LAMC1: variants seen among roughly 807,000 people sequenced by gnomAD.
LAMC1 encodes laminin subunit gamma 1.
LAMC1 carries 38 observed loss-of-function variants against 173.6 expected under a neutral mutation model. The ratio of observed to expected loss-of-function variants is 0.22; its 90% CI spans 0.17 to 0.29. The LOEUF is 0.29. LAMC1 is among the 10% of genes least tolerant of loss of function. LAMC1 has a pLI of 1.00. For synonymous variants in LAMC1, 746 were observed against 749.1 expected, an observed-to-expected ratio of 1.00 and a Z score of 0.07; for missense variants, 1,824 against 2,051.8, an observed-to-expected ratio of 0.89 and a Z score of 2.14.
In LAMC1 at chr1:183,125,402, A is replaced by G; in HGVS notation, c.2653A>G (p.Asn885Asp). ...TCTCTGTCTTCCTGCCTTAGCCTGC[A>G]ATTGCAATCTGTATGGGACCATGAA... ...PNPADKCKACNCNLYGTMKQQ... is the reference protein window; with the variant it reads ...PNPADKCKACDCNLYGTMKQQ... Residue 885 changes from asparagine to aspartate, a missense_variant, in exon 15 of 28, where the codon AAT (asparagine) becomes GAT (aspartate). Asn to Asp is a conservative substitution (Grantham distance 23). Transcript: ENST00000258341. 1.2e-6 allele frequency: 2 copies of G among 1,613,914 alleles called. No individual in the cohort carries two copies.
intron 11 of LAMC1, among the ~76,000 whole-genome samples, chr1:183,121,256 TAA>T (rs35349531): frequency 6.8e-6 from 1 of 147,508 alleles, no homozygotes; most frequent in Non-Finnish European, 1.5e-5. Context: ...CTGTCTCTTC[TAA>T]AAAAAAAAAA....
intron 1 of LAMC1, among the ~76,000 whole-genome samples, chr1:183,055,835 TA>T (rs781439447): frequency 2.0e-5 from 3 of 151,514 alleles, no homozygotes; most frequent in Non-Finnish European, 4.4e-5. Context: ...AAAAAAGAAA[TA>T]AAGGCATTAA....
In LAMC1 at chr1:183,114,623, G is replaced by T; in HGVS notation, c.1114G>T (p.Asp372Tyr). ...GHGGHCTNCQ[D>Y]NTDGAHCERC... The stretch of plus-strand genomic sequence containing the variant: ...TGGGGGCCACTGTACCAACTGCCAG[G>T]ATAACACAGATGGCGCCCACTGTGA... Residue 372 changes from aspartate to tyrosine, a missense_variant, in exon 5 of 28, where the codon GAT becomes TAT. Transcript: ENST00000258341. The T allele has an allele frequency of 6.2e-7, 1 of 1,614,184 alleles. No homozygotes were observed.
chr1:183,131,513 A>C (rs1252012597), intron 20 of LAMC1, 135 bp downstream of exon 20: 1 of 594,648 alleles, frequency 1.7e-6, no homozygotes, highest in Non-Finnish European at 3.0e-6. Flanking sequence ...ACTTTTGCAC[A>C]CTTTGCTCTC....
At chr1:183,115,925 G>A (rs1480585729) in intron 6 of LAMC1, among the ~76,000 whole-genome samples, 1 of 152,028 alleles carries the variant, frequency 6.6e-6, no homozygotes. Context: ...TGGATCACGA[G>A]GTCAGGAGAT....
At chr1:183,029,657 C>T (rs1216888978) in intron 1 of LAMC1, among the ~76,000 whole-genome samples, 4 of 152,134 alleles carry the variant, frequency 2.6e-5, no homozygotes, top group Non-Finnish European at 5.9e-5. Context: ...GCCCCACTCC[C>T]TGGCTTGGAT....
chr1:183,049,149 C>T (rs1307570287), intron 1 of LAMC1, among the ~76,000 whole-genome samples: 1 of 152,134 alleles, frequency 6.6e-6, no homozygotes, highest in African/African-American at 2.4e-5. Context: ...CTTACTAAAT[C>T]TTCATATTTG....
In LAMC1 at chr1:183,114,762, C is replaced by A. The variant is rs150237221; in HGVS notation, c.1210+43C>A. The A allele has an allele frequency of 2.5e-6, 4 of 1,573,340 alleles. No individual in the cohort carries two copies. The East Asian group carries it at 9.0e-5, about 35-fold the overall frequency. ...GGATTGAAAGACAAAATGATAGTTC[C>A]GTGGACCCCCGGAAAGGAAAGCTTT... On this transcript the variant is annotated intron_variant, in intron 5 of 27. Transcript: ENST00000258341.
At chr1:183,075,799 A>G (rs1246245830) in intron 1 of LAMC1, among the ~76,000 whole-genome samples, 1 of 152,154 alleles carries the variant, frequency 6.6e-6, no homozygotes, top group Non-Finnish European at 1.5e-5. Flanking sequence ...TAGTAGAGTG[A>G]TTGGAATGAG....
intron 16 of LAMC1, among the ~76,000 whole-genome samples, chr1:183,126,727 G>A (rs1656630649): frequency 6.6e-6 from 1 of 152,174 alleles, no homozygotes; most frequent in South Asian, 2.1e-4. Context: ...ACACTTGCCT[G>A]GAATTGGGCC....
At chr1:183,077,776 G>GTGTGTGTGTATATATATATATATCTATA in intron 1 of LAMC1, among the ~76,000 whole-genome samples, 1 of 116,522 alleles carries the variant, frequency 8.6e-6, no homozygotes, top group Non-Finnish European at 1.9e-5. Context: ...TGGCCATTGT[G>GTGTGTGTGTATATATATATATATCTATA]TATATATATA....
At chr1:183,101,451 A>G (rs1305157504) in intron 1 of LAMC1, among the ~76,000 whole-genome samples, 1 of 150,996 alleles carries the variant, frequency 6.6e-6, no homozygotes, top group Non-Finnish European at 1.5e-5. Context: ...TGCATCCTAG[A>G]TAGAATATTC....
At position 183,126,108 on chromosome 1, in the gene LAMC1, G is replaced by T; in HGVS notation, c.2802-12G>T. 6.2e-7 allele frequency: 1 copy of T among 1,610,982 alleles called. No individual in the cohort carries two copies. Among genetic ancestry groups the T allele is most frequent in the Non-Finnish European group, 8.5e-7 (1 of 1,179,094 alleles). On this transcript the variant is annotated splice_polypyrimidine_tract_variant and intron_variant, in intron 15 of 27. Coordinates refer to ENST00000258341, the MANE Select transcript of LAMC1 (RefSeq NM_002293.4). ...TTTTCTTGCCTGAGAAATGTCCTGT[G>T]TTCATTTTCAGGTGTGACTGCCATG... is the stretch of plus-strand genomic sequence containing the variant.
chr1:183,122,209 A>C lies in LAMC1; in HGVS notation c.2359A>C (p.Thr787Pro). 2 of 1,614,160 alleles carry C rather than the reference A, an allele frequency of 1.2e-6. No homozygotes were observed. Among genetic ancestry groups the C allele is most frequent in the Middle Eastern group, 1.6e-4 (1 of 6,062 alleles). The change falls in exon 13 of 28, where the codon ACA (threonine) becomes CCA (proline). Residue 787 changes from threonine (T) to proline (P), a missense_variant. By Grantham distance (38) the Thr-to-Pro change is conservative. Coordinates refer to ENST00000258341, the MANE Select transcript of LAMC1 (RefSeq NM_002293.4). ...TTCAAGTTGTGCTGTTGTTCCCAAGACAAAGGAGGTGGTGTGCACCAACTG... is the reference window on the plus strand; with the variant it reads ...TTCAAGTTGTGCTGTTGTTCCCAAGCCAAAGGAGGTGGTGTGCACCAACTG... The part of the protein sequence containing the change: ...GGSSCAVVPK[T>P]KEVVCTNCPT...
chr1:183,137,768 G>A lies in LAMC1; in HGVS notation c.4414G>A (p.Glu1472Lys). 2 of 1,611,976 alleles carry A rather than the reference G, an allele frequency of 1.2e-6. No individual in the cohort carries two copies. Among genetic ancestry groups the A allele is most frequent in the Non-Finnish European group, 1.7e-6 (2 of 1,178,790 alleles). ...TATGTTGAAGCAACTGCAGGAAGCAGAAAAAGAGCTAAAGAGAAAACAAGA... is the reference window on the plus strand; with the variant it reads ...TATGTTGAAGCAACTGCAGGAAGCAAAAAAAGAGCTAAAGAGAAAACAAGA... ...NNMLKQLQEA[E>K]KELKRKQDDA... Residue 1472 changes from glutamate to lysine, a missense_variant, in exon 26 of 28, where the codon GAA becomes AAA. Transcript: ENST00000258341.
At chr1:183,052,908 T>C (rs1487029404) in intron 1 of LAMC1, among the ~76,000 whole-genome samples, 2 of 152,232 alleles carry the variant, frequency 1.3e-5, no homozygotes, top group African/African-American at 2.4e-5. Context: ...TTCTCTAGGA[T>C]TGATGTGCAT....
chr1:183,024,115 C>G lies in LAMC1; in HGVS notation c.399C>G (p.Ile133Met). Residue 133 changes from isoleucine to methionine, a missense_variant, in exon 1 of 28, where the codon ATC (isoleucine) becomes ATG (methionine). Physicochemically the swap from Ile to Met is conservative, Grantham distance 10 (BLOSUM62 1). Coordinates refer to ENST00000258341, the MANE Select transcript of LAMC1 (RefSeq NM_002293.4). ...MLAGVQYPSS[I>M]NLTLHLGKAF... ...CCGGGGTGCAGTACCCCAGCTCCAT[C>G]AACCTCACGCTGCACCTGGGTAAGC... The G allele has an allele frequency of 1.3e-5, 20 of 1,593,894 alleles. No homozygotes were observed. The highest frequency in any genetic ancestry group is 1.7e-5 in the Non-Finnish European group (20 of 1,170,322).
chr1:183,098,193 A>G (rs974057656), intron 1 of LAMC1, among the ~76,000 whole-genome samples: 6 of 152,158 alleles, frequency 3.9e-5, no homozygotes, highest in Non-Finnish European at 7.3e-5. Context: ...TACTTTGTCA[A>G]TTGTGAAATG....
In LAMC1 at chr1:183,085,971, C is replaced by T. The variant is rs561840676; in HGVS notation, c.419-17357C>T. On this transcript the variant is annotated intron_variant, in intron 1 of 27. Coordinates refer to ENST00000258341, the MANE Select transcript of LAMC1 (RefSeq NM_002293.4). ...CATTTAAGAACTTGGAGTGCTTGAT[C>T]CTTAGCATACATTTGTGTCCACTTA... Among the ~76,000 whole-genome samples the T allele has an allele frequency of 2.6e-5, 4 of 152,188 alleles. No homozygotes were observed. The East Asian group carries it at 7.7e-4, about 29-fold the overall frequency.
Sources: gnomAD v4.1 joint callset for allele counts (sites outside exome capture counted in the v4.1 genomes callset) on GRCh38, gnomAD v4.1.1 for gene constraint, MANE v1.5 for transcripts, NCBI Gene and HGNC (gene_info 2026-07-23, HGNC 2026-07-21) for gene names.